The following ASIC2 variants were observed in gnomAD, a reference collection of about 807,000 sequenced individuals.
The protein encoded by ASIC2 is acid sensing ion channel subunit 2.
In ASIC2, 25 loss-of-function variants were observed where a neutral mutation model predicts 57.3. That is an observed-to-expected ratio of 0.44 (90% CI 0.32 to 0.61). The LOEUF (loss-of-function observed/expected upper bound fraction) is 0.61. ASIC2 is among the 20% of genes least tolerant of loss of function. The pLI is 0.06. For missense variants in ASIC2, 641 were observed against 738.1 expected (o/e 0.87, Z 1.52); for synonymous variants, 319 against 307.5 (o/e 1.04, Z -0.39).
chr17:33,771,355 G>A (rs1911103552), intron 1 of ASIC2, among the ~76,000 whole-genome samples: 1 of 152,178 alleles, frequency 6.6e-6, no homozygotes, highest in Admixed American at 6.5e-5. Context: ...GCACATTTGG[G>A]CACCTTCTGT....
intron 1 of ASIC2, among the ~76,000 whole-genome samples, chr17:33,845,409 G>A (rs964284451): frequency 2.6e-5 from 4 of 152,118 alleles, no homozygotes; most frequent in East Asian, 1.9e-4. Context: ...ACCTGTAAAC[G>A]CAGCATTGAA....
intron 1 of ASIC2, among the ~76,000 whole-genome samples, chr17:33,613,699 T>C (rs1169394146): frequency 6.6e-6 from 1 of 152,190 alleles, no homozygotes; most frequent in Non-Finnish European, 1.5e-5. Context: ...TACGGAAATG[T>C]GTAGTCTTCT....
intron 1 of ASIC2, among the ~76,000 whole-genome samples, chr17:33,706,451 T>C (rs547528573): frequency 5.6e-4 from 85 of 152,008 alleles, no homozygotes; most frequent in Non-Finnish European, 1.1e-3. Context: ...CTCAAATTCC[T>C]GAGCTCAAGC....
intron 1 of ASIC2, among the ~76,000 whole-genome samples, chr17:33,797,807 G>A (rs1243991892): frequency 3.9e-5 from 6 of 152,310 alleles, no homozygotes; most frequent in African/African-American, 1.4e-4. Context: ...TGGGGACACT[G>A]CTCAGTGCTT....
At chr17:33,721,119 T>C (rs1909376005) in intron 1 of ASIC2, among the ~76,000 whole-genome samples, 2 of 152,222 alleles carry the variant, frequency 1.3e-5, no homozygotes, top group African/African-American at 4.8e-5. Flanking sequence ...CATTTCTCAG[T>C]GGAAGACAAT....
At chr17:33,490,591 C>T (rs1172260314) in intron 1 of ASIC2, among the ~76,000 whole-genome samples, 3 of 152,188 alleles carry the variant, frequency 2.0e-5, no homozygotes, top group African/African-American at 7.2e-5. Context: ...AAAGCGGGGT[C>T]TCCTGCATAA....
intron 1 of ASIC2, among the ~76,000 whole-genome samples, chr17:33,616,949 A>G (rs191834103): frequency 2.8e-3 from 431 of 152,306 alleles, no homozygotes; most frequent in Non-Finnish European, 4.9e-3. Context: ...GTGAAAAACA[A>G]CGATGCCTCT....
intron 1 of ASIC2, among the ~76,000 whole-genome samples, chr17:33,869,148 C>A (rs534908112): frequency 1.3e-5 from 2 of 152,076 alleles, no homozygotes; most frequent in Admixed American, 6.5e-5. Flanking sequence ...AATAAGCACA[C>A]GAAGTGACGC....
intron 3 of ASIC2, among the ~76,000 whole-genome samples, chr17:33,039,154 C>T (rs2091921028): frequency 6.6e-6 from 1 of 152,202 alleles, no homozygotes; most frequent in Non-Finnish European, 1.5e-5. Flanking sequence ...CTGATACCCA[C>T]CTGGCTCTTC....
chr17:33,240,750 C>T (rs1470341048), intron 1 of ASIC2, among the ~76,000 whole-genome samples: 4 of 152,078 alleles, frequency 2.6e-5, no homozygotes, highest in Non-Finnish European at 4.4e-5. Flanking sequence ...GGGTCCGTGC[C>T]CTGCTGGTTC....
intron 1 of ASIC2, among the ~76,000 whole-genome samples, chr17:33,946,684 A>G (rs756476401): frequency 1.3e-5 from 2 of 152,224 alleles, no homozygotes; most frequent in Non-Finnish European, 2.9e-5. Context: ...TGTCCTATTC[A>G]GAGTCTAAAC....
intron 1 of ASIC2, among the ~76,000 whole-genome samples, chr17:33,273,429 C>T (rs910060012): frequency 6.6e-6 from 1 of 152,190 alleles, no homozygotes; most frequent in African/African-American, 2.4e-5. Flanking sequence ...ACCCTGGGGG[C>T]TGTGTGTACT....
chr17:33,392,173 TC>T, intron 1 of ASIC2, among the ~76,000 whole-genome samples: 1 of 20,026 alleles, frequency 5.0e-5, no homozygotes, highest in Admixed American at 5.1e-4. Context: ...TTTCCTTTCT[TC>T]CTTCCTTCCT....
intron 1 of ASIC2, among the ~76,000 whole-genome samples, chr17:33,251,738 A>G (rs1334329314): frequency 6.6e-6 from 1 of 152,204 alleles, no homozygotes; most frequent in East Asian, 1.9e-4. Flanking sequence ...CAGAGAGGTT[A>G]AAGTGGCCTA....
At chr17:33,283,576 A>G (rs1474671686) in intron 1 of ASIC2, among the ~76,000 whole-genome samples, 1 of 152,174 alleles carries the variant, frequency 6.6e-6, no homozygotes, top group Non-Finnish European at 1.5e-5. Flanking sequence ...TTCCCTAAGA[A>G]CATCTTCCAG....
chr17:33,905,704 G>A (rs1326206273), intron 1 of ASIC2, among the ~76,000 whole-genome samples: 3 of 152,226 alleles, frequency 2.0e-5, no homozygotes, highest in South Asian at 2.1e-4. Flanking sequence ...TCCTGAAGCC[G>A]TTCCTCACCC....
chr17:33,266,538 A>T (rs1463099787), intron 1 of ASIC2, among the ~76,000 whole-genome samples: 5 of 133,492 alleles, frequency 3.7e-5, no homozygotes, highest in Non-Finnish European at 6.4e-5. Flanking sequence ...CTACCTTCCC[A>T]TCCCCACCCC....
chr17:33,579,794 C>G (rs564896684), intron 1 of ASIC2, among the ~76,000 whole-genome samples: 2 of 152,062 alleles, frequency 1.3e-5, no homozygotes, highest in African/African-American at 2.4e-5. Flanking sequence ...ACTACCACAC[C>G]GTGAAAAACA....
At chr17:33,856,782 G>A (rs933804580) in intron 1 of ASIC2, among the ~76,000 whole-genome samples, 5 of 152,154 alleles carry the variant, frequency 3.3e-5, no homozygotes, top group African/African-American at 7.2e-5. Flanking sequence ...AGGCCTGAGA[G>A]ACCGCGACAG....
Sources: allele counts gnomAD v4.1 joint callset (sites outside exome capture counted in the v4.1 genomes callset), GRCh38; gene constraint gnomAD v4.1.1; transcripts MANE v1.5; gene names NCBI Gene and HGNC (gene_info 2026-07-23, HGNC 2026-07-21).